ZNF8: variants seen among roughly 807,000 people sequenced by gnomAD.
ZNF8 encodes the protein zinc finger protein 8.
Under a neutral mutation model 12.2 loss-of-function variants are expected in ZNF8, and 9 were observed. The observed-to-expected ratio is 0.73, with a 90% CI of 0.44 to 1.28. ZNF8 has a LOEUF of 1.28. Among genes scored for constraint, ZNF8 ranks in the 50% most tolerant of loss-of-function variants. The probability of loss-of-function intolerance (pLI) is 0.00; values close to 1 mark genes in which losing one functional copy is unlikely to be tolerated. For synonymous variants in ZNF8, 274 were observed against 282.3 expected (o/e 0.97, Z 0.30); for missense variants, 664 against 729.1 (o/e 0.91, Z 1.03).
rs116171251 is a variant in ZNF8, at chr19:58,281,110, A to G, written c.66+1963A>G. 3.9e-3 allele frequency among the ~76,000 whole-genome samples: 600 copies of G among 152,332 alleles called. 2 individuals carry two copies. Among genetic ancestry groups the G allele is most frequent in the African/African-American group, 0.014 (574 of 41,570 alleles). On this transcript the variant is annotated intron_variant, in intron 1 of 3. Coordinates refer to ENST00000621650, the MANE Select transcript of ZNF8 (RefSeq NM_021089.3). Reference sequence around the variant, plus strand: ...AGGCCATTATATATCTCAGTCTACCATAGCCAGGCTGAGAGGAGCCATCCA... The same window carrying G: ...AGGCCATTATATATCTCAGTCTACCGTAGCCAGGCTGAGAGGAGCCATCCA...
At position 58,285,709 on chromosome 19, in the gene ZNF8, T is replaced by A. The variant is rs1189952200; in HGVS notation, c.67-8T>A. On this transcript the variant is annotated splice_region_variant and splice_polypyrimidine_tract_variant and intron_variant, in intron 1 of 3. Transcript: ENST00000621650. ...TCCAGCTGATTGAGAATGTGTGTGA[T>A]GTTTCAGGAACCAGTGACCTTCCGG... The A allele has an allele frequency of 6.2e-6, 10 of 1,614,196 alleles. No homozygotes were observed. The highest frequency in any genetic ancestry group is 8.5e-6 in the Non-Finnish European group (10 of 1,180,032).
chr19:58,285,291 G>A (rs530814428), intron 1 of ZNF8, among the ~76,000 whole-genome samples: 11 of 152,220 alleles, frequency 7.2e-5, no homozygotes, highest in African/African-American at 2.6e-4. Context: ...TGGGATTACA[G>A]GCATGTGGCC....
chr19:58,294,276 G>A lies in ZNF8; in HGVS notation c.468G>A (p.Leu156=), dbSNP rs749706921. 4.3e-6 allele frequency: 7 copies of A among 1,614,080 alleles called. No individual in the cohort carries two copies. The highest frequency in any genetic ancestry group is 1.3e-5 in the African/African-American group (1 of 74,988). Residue 156 remains leucine (L), a synonymous_variant, in exon 4 of 4, where the codon TTG becomes TTA. Coordinates refer to ENST00000621650, the MANE Select transcript of ZNF8 (RefSeq NM_021089.3). This position sits in a 1 kb window ranked among gnomAD's most constrained non-coding sequence, Gnocchi z 5.5. ...TGGCACTCAAGGAGCAGAATAACTT[G>A]AAGCAGTTGGAATTTGGCCTCAAGG... The part of the protein sequence containing the change: ...QSLALKEQNN[L]KQLEFGLKEA...
At chr19:58,279,530 C>T (rs1440928216) in intron 1 of ZNF8, 9 of 1,504,780 alleles carry the variant, frequency 6.0e-6, no homozygotes, top group Non-Finnish European at 8.0e-6. Context: ...GCCGGGTGCC[C>T]AGATGGCAAG....
At chr19:58,293,117 T>G (rs2051430254) in intron 3 of ZNF8, among the ~76,000 whole-genome samples, 1 of 151,954 alleles carries the variant, frequency 6.6e-6, no homozygotes. Context: ...CCCGAATAAT[T>G]TTTGTATTTT....
In ZNF8 at chr19:58,294,413, C is replaced by T. The variant is rs1046849876; in HGVS notation, c.605C>T (p.Thr202Ile). The change falls in exon 4 of 4, where the codon ACT becomes ATT. Residue 202 changes from threonine (T) to isoleucine (I), a missense_variant. This residue lies in a region of ZNF8 where 306 missense variants were observed against 308.7 expected (regional missense o/e 0.99). Transcript: ENST00000621650. The surrounding 1 kb of genome is among the most constrained non-coding windows in gnomAD (Gnocchi z 5.5). ...PEISRGEYLY[T>I]YDSQITDSEH... ...ATCTCTAGAGGGGAGTATTTGTATA[C>T]TTACGACTCACAGATTACAGACTCA... 5.6e-6 allele frequency: 9 copies of T among 1,614,086 alleles called. 1 individual carries two copies. The Middle Eastern group carries it at 8.2e-4, about 148-fold the overall frequency.
chr19:58,290,761 G>A (rs2051414611), intron 3 of ZNF8, among the ~76,000 whole-genome samples: 2 of 151,928 alleles, frequency 1.3e-5, no homozygotes, highest in Admixed American at 1.3e-4. Flanking sequence ...AAAAAATAAA[G>A]GAAAAGAGGC....
chr19:58,294,768 G>A lies in ZNF8; in HGVS notation c.960G>A (p.Lys320=). Residue 320 remains lysine, a synonymous_variant, in exon 4 of 4, where the codon AAG becomes AAA. Coordinates refer to ENST00000621650, the MANE Select transcript of ZNF8 (RefSeq NM_021089.3). The surrounding 1 kb of genome is among the most constrained non-coding windows in gnomAD (Gnocchi z 5.5). ...DKPYKCAECG[K]SFCHSTHLTV... ...CCTACAAGTGTGCCGAATGTGGGAAGTCTTTCTGCCATAGTACACACCTTA... is the reference window on the plus strand; with the variant it reads ...CCTACAAGTGTGCCGAATGTGGGAAATCTTTCTGCCATAGTACACACCTTA... 2 of 1,614,184 alleles carry A rather than the reference G, an allele frequency of 1.2e-6. No homozygotes were observed. The highest frequency in any genetic ancestry group is 1.7e-6 in the Non-Finnish European group (2 of 1,180,042).
At position 58,300,633 on chromosome 19, in the gene ZNF8, T is replaced by A. The variant is rs976587616; in HGVS notation, c.*5097T>A. 1.3e-5 allele frequency: 2 copies of A among 152,036 alleles called. No individual in the cohort carries two copies. The highest frequency in any genetic ancestry group is 4.8e-5 in the African/African-American group (2 of 41,322). 9.4% of individuals were successfully genotyped at this position (152,036 alleles called of 1,614,324 possible). ...GGAGGCAGCTAGCCGTAGCTGCTGC[T>A]TTTCTCTTCAAGCTCTTGGGAGAAT... On this transcript the variant is annotated 3_prime_UTR_variant, in exon 4 of 4. Transcript: ENST00000621650.
rs2051478757 is a variant in ZNF8, at chr19:58,299,560, G to C, written c.*4024G>C. Reference sequence around the variant, plus strand: ...CGAGATGGGCAGATCACGAGGTCAGGAGATCGAGACCAGCCTGGCTAACAC... The same window carrying C: ...CGAGATGGGCAGATCACGAGGTCAGCAGATCGAGACCAGCCTGGCTAACAC... On this transcript the variant is annotated 3_prime_UTR_variant, in exon 4 of 4. Coordinates refer to ENST00000621650, the MANE Select transcript of ZNF8 (RefSeq NM_021089.3). The C allele has an allele frequency of 6.6e-6, 1 of 151,106 alleles. No homozygotes were observed. The highest frequency in any genetic ancestry group is 2.4e-5 in the African/African-American group (1 of 41,122). The allele number at this position is 151,106 out of a possible 1,614,324, so 9.4% of individuals were successfully genotyped here.
rs1362262002 is a variant in ZNF8 at position 58,296,419 on chromosome 19, T to A, written c.*883T>A. On this transcript the variant is annotated 3_prime_UTR_variant, in exon 4 of 4. Transcript: ENST00000621650. ...TCTTTTTTTTGTTTTTTGTCTGAGATGGAGTCTCGCTCCGTCACCCAGGCT... is the reference window on the plus strand; with the variant it reads ...TCTTTTTTTTGTTTTTTGTCTGAGAAGGAGTCTCGCTCCGTCACCCAGGCT... 1 of 152,112 alleles carries A rather than the reference T, an allele frequency of 6.6e-6. No individual in the cohort carries two copies. Among genetic ancestry groups the A allele is most frequent in the Non-Finnish European group, 1.5e-5 (1 of 68,062 alleles). 9.4% of individuals were successfully genotyped at this position (152,112 alleles called of 1,614,324 possible).
rs1600449285 is a variant in ZNF8, at chr19:58,279,149, T to C, written c.66+2T>C. 6.4e-7 allele frequency: 1 copy of C among 1,560,774 alleles called. No individual in the cohort carries two copies. Among genetic ancestry groups the C allele is most frequent in the East Asian group, 2.4e-5 (1 of 41,622 alleles). On this transcript the variant is annotated splice_donor_variant, in intron 1 of 3. Coordinates refer to ENST00000621650, the MANE Select transcript of ZNF8 (RefSeq NM_021089.3). LOFTEE classifies it high-confidence loss of function. ...GGGCCGCCGGCGGCCCGGCTTCAGG[T>C]AACAATAACAACAATAACGACGGCG...
chr19:58,285,623 C>G, intron 1 of ZNF8, 94 bp from the exon 2 acceptor site: 1 of 1,583,456 alleles, frequency 6.3e-7, no homozygotes, highest in Non-Finnish European at 8.7e-7. Flanking sequence ...TCTCGTGACA[C>G]AGGCCTGCCT....
intron 1 of ZNF8, chr19:58,279,846 T>C: frequency 1.5e-6 from 2 of 1,358,780 alleles, no homozygotes; most frequent in South Asian, 1.2e-5. Context: ...ACAATAATTA[T>C]CCTTCCTCAA....
rs949488725 is a variant in ZNF8 at position 58,299,837 on chromosome 19, A to G, written c.*4301A>G. The G allele has an allele frequency of 6.6e-6, 1 of 152,178 alleles. No homozygotes were observed. The highest frequency in any genetic ancestry group is 2.4e-5 in the African/African-American group (1 of 41,440). 9.4% of individuals were successfully genotyped at this position (152,178 alleles called of 1,614,324 possible). ...ATGCTGGGAGTGTCACAACTCAGCT[A>G]TCCAATCAAGGCAGAGCTGGCCTCC... is the stretch of plus-strand genomic sequence containing the variant. On this transcript the variant is annotated 3_prime_UTR_variant, in exon 4 of 4. Coordinates refer to ENST00000621650, the MANE Select transcript of ZNF8 (RefSeq NM_021089.3).
intron 1 of ZNF8, chr19:58,279,384 C>T (rs981146344): frequency 3.4e-6 from 5 of 1,451,044 alleles, no homozygotes; most frequent in Non-Finnish European, 4.5e-6. Flanking sequence ...CTCTGTCCTC[C>T]CCAGGGCTGG....
chr19:58,290,817 G>A (rs544942091), intron 3 of ZNF8, among the ~76,000 whole-genome samples: 6 of 152,270 alleles, frequency 3.9e-5, no homozygotes, highest in South Asian at 2.1e-4. Context: ...TTGGGAGGCC[G>A]AGGCGGGTGG....
chr19:58,289,687 T>C (rs1202231027), intron 3 of ZNF8, among the ~76,000 whole-genome samples: 1 of 152,044 alleles, frequency 6.6e-6, no homozygotes, highest in Admixed American at 6.6e-5. Context: ...AGTGCTTCAC[T>C]CTGACCCATT....
rs76894571 is a variant in ZNF8, at chr19:58,295,488, G to A, written c.1680G>A (p.Glu560=). ...CTGTGCACGTTATTGGGGTGGAAGA[G>A]CCTTCTGTGGGTGCTTCCATGTTAT... The part of the protein sequence containing the change: ...KNPVHVIGVE[E]PSVGASMLFD... Residue 560 remains glutamate, a synonymous_variant, in exon 4 of 4, where the codon GAG becomes GAA. Transcript: ENST00000621650. 4.9e-3 allele frequency: 7,877 copies of A among 1,610,348 alleles called. 29 individuals carry two copies. Among genetic ancestry groups the A allele is most frequent in the Non-Finnish European group, 6.0e-3 (7,071 of 1,178,156 alleles).
Sources: allele counts gnomAD v4.1 joint callset (sites outside exome capture counted in the v4.1 genomes callset), GRCh38; gene constraint gnomAD v4.1.1; regional missense constraint gnomAD v4.1.1; non-coding constraint Gnocchi (gnomAD v3.1); transcripts MANE v1.5; gene names NCBI Gene and HGNC (gene_info 2026-07-23, HGNC 2026-07-21).